Variants in ZNF280D observed in about 807,000 individuals in gnomAD.
ZNF280D encodes the protein zinc finger protein 280D.
Under a neutral mutation model 94.7 loss-of-function variants are expected in ZNF280D, and 39 were observed. The observed-to-expected ratio is 0.41, with a 90% confidence interval of 0.32 to 0.54. The LOEUF (loss-of-function observed/expected upper bound fraction) is 0.54, where lower values mean the gene tolerates loss of function less well. Among genes scored for constraint, ZNF280D ranks in the 20% least tolerant of loss-of-function variants. The pLI is 0.22. For synonymous variants in ZNF280D, 398 were observed against 377.6 expected (o/e 1.05, Z -0.63); for missense variants, 1,090 against 1,149.3 (o/e 0.95, Z 0.75).
At position 56,639,469 on chromosome 15, in the gene ZNF280D, A is replaced by G. The variant is rs375309313; in HGVS notation, c.2259+3483T>C. On this transcript the variant is annotated intron_variant, in intron 20 of 21. Transcript: ENST00000267807. The stretch of plus-strand genomic sequence containing the variant: ...TCCAAAGGTTTGTCAGATGCCTAAT[A>G]CAATGAATGAAAAAAGGATGGGTGA... 3.2e-4 allele frequency among the ~76,000 whole-genome samples: 48 copies of G among 152,254 alleles called. No individual in the cohort carries two copies. In the South Asian group the frequency reaches 8.1e-3, roughly 26 times the overall value.
chr15:56,708,209 C>T (rs2057531245), intron 1 of ZNF280D, among the ~76,000 whole-genome samples: 1 of 152,070 alleles, frequency 6.6e-6, no homozygotes, highest in East Asian at 1.9e-4. Flanking sequence ...AACTGAATTA[C>T]TACAAAGGAA....
chr15:56,682,640 A>G (rs892817917), intron 9 of ZNF280D, among the ~76,000 whole-genome samples, 163 bp from the exon 10 acceptor site: 7 of 152,098 alleles, frequency 4.6e-5, no homozygotes, highest in African/African-American at 7.2e-5. Context: ...GCATGTACAT[A>G]GTCTAAAAAT....
At chr15:56,694,124 A>C (rs1226733895) in intron 6 of ZNF280D, among the ~76,000 whole-genome samples, 1 of 152,152 alleles carries the variant, frequency 6.6e-6, no homozygotes, top group Non-Finnish European at 1.5e-5. Flanking sequence ...GGAAGATCTT[A>C]AGAAGAGAGG....
chr15:56,705,208 A>G (rs188682842), intron 3 of ZNF280D, among the ~76,000 whole-genome samples: 1 of 152,280 alleles, frequency 6.6e-6, no homozygotes, highest in East Asian at 1.9e-4. Flanking sequence ...TTTTCTCTAA[A>G]CTGTACTATT....
At chr15:56,674,546 T>C (rs1403172359) in intron 13 of ZNF280D, among the ~76,000 whole-genome samples, 1 of 152,090 alleles carries the variant, frequency 6.6e-6, no homozygotes. Flanking sequence ...CAGTAAAAGC[T>C]TGGATGCTAA....
At chr15:56,671,396 C>T (rs1025861347) in intron 13 of ZNF280D, among the ~76,000 whole-genome samples, 4 of 151,988 alleles carry the variant, frequency 2.6e-5, no homozygotes, top group Non-Finnish European at 4.4e-5. Context: ...TGCCTATGGC[C>T]AGCCAGTTTC....
At chr15:56,640,091 A>G (rs2052555389) in intron 20 of ZNF280D, among the ~76,000 whole-genome samples, 1 of 152,182 alleles carries the variant, frequency 6.6e-6, no homozygotes. Flanking sequence ...AAAGATACAT[A>G]TTTTTAACTC....
chr15:56,704,062 GTT>G, intron 4 of ZNF280D, 57 bp downstream of exon 4: 1 of 1,589,588 alleles, frequency 6.3e-7, no homozygotes, highest in Non-Finnish European at 8.6e-7. Flanking sequence ...CAGTTCACAA[GTT>G]TTTCTACTAG....
chr15:56,648,742 A>G (rs749736310), intron 19 of ZNF280D, among the ~76,000 whole-genome samples: 2 of 152,174 alleles, frequency 1.3e-5, no homozygotes, highest in Non-Finnish European at 1.5e-5. Context: ...TGTCTGCCAC[A>G]CTGTATGTGC....
chr15:56,670,005 A>AT (rs1442144645), intron 13 of ZNF280D, among the ~76,000 whole-genome samples: 1 of 1,038 alleles, frequency 9.6e-4, no homozygotes, highest in African/African-American at 1.8e-3. Context: ...TATTATATAT[A>AT]TATAATATAT....
In ZNF280D at chr15:56,682,480, G is replaced by GAAA; in HGVS notation, c.781-6_781-4dup. On this transcript the variant is annotated splice_region_variant and splice_polypyrimidine_tract_variant and intron_variant, in intron 9 of 21. Transcript: ENST00000267807. The stretch of plus-strand genomic sequence containing the variant: ...TTTATCATGTCTGGACAACAATACT[G>GAAA]AAAGAGAAAAAAAAAAAAAAAAAAC... 2 of 475,160 alleles carry GAAA rather than the reference G, an allele frequency of 4.2e-6. No individual in the cohort carries two copies. The highest frequency in any genetic ancestry group is 6.2e-6 in the Non-Finnish European group (2 of 322,228). 29.4% of individuals were successfully genotyped at this position (475,160 alleles called of 1,614,324 possible).
chr15:56,653,166 T>C (rs2053310742), intron 19 of ZNF280D: 2 of 1,021,076 alleles, frequency 2.0e-6, no homozygotes, highest in Non-Finnish European at 2.3e-6. Context: ...AAAGTAGCCA[T>C]GGTTTCCTAA....
At chr15:56,654,531 T>G (rs373134106) in intron 17 of ZNF280D, 28 bp from the exon 18 acceptor site, 495 of 1,537,670 alleles carry the variant, frequency 3.2e-4, no homozygotes, top group Non-Finnish European at 4.0e-4. Flanking sequence ...AAAAAAAGAT[T>G]TTTATCTTTT....
intron 17 of ZNF280D, among the ~76,000 whole-genome samples, chr15:56,657,374 C>A (rs2053614909): frequency 6.6e-6 from 1 of 152,034 alleles, no homozygotes; most frequent in Non-Finnish European, 1.5e-5. Flanking sequence ...AGGAAATTTA[C>A]TTCAAAACTA....
rs915805906 is a variant in ZNF280D, at chr15:56,633,789, A to G, written c.2315+1406T>C. On this transcript the variant is annotated intron_variant, in intron 21 of 21. Transcript: ENST00000267807. Reference sequence around the variant, plus strand: ...CAGGCATGAGCCACAGCGCCCAGCCAAAAACCTAGTATGTTATCCAGCAAG... The same window carrying G: ...CAGGCATGAGCCACAGCGCCCAGCCGAAAACCTAGTATGTTATCCAGCAAG... Among the ~76,000 whole-genome samples, 109 of 152,270 alleles carry G rather than the reference A, an allele frequency of 7.2e-4. 1 individual carries two copies. Among genetic ancestry groups the G allele is most frequent in the Non-Finnish European group, 5.6e-4 (38 of 68,006 alleles).
intron 19 of ZNF280D, among the ~76,000 whole-genome samples, chr15:56,649,356 G>A (rs529121547): frequency 1.8e-4 from 27 of 152,168 alleles, no homozygotes; most frequent in Non-Finnish European, 3.4e-4. Flanking sequence ...ATCTCACTGG[G>A]TCTCAAATTC....
intron 13 of ZNF280D, among the ~76,000 whole-genome samples, chr15:56,676,357 A>G (rs2055232914): frequency 6.6e-6 from 1 of 152,100 alleles, no homozygotes; most frequent in Non-Finnish European, 1.5e-5. Context: ...TCATTCTCAT[A>G]TCTACCTTTA....
chr15:56,637,458 G>T (rs2052408685), intron 20 of ZNF280D, among the ~76,000 whole-genome samples: 1 of 152,002 alleles, frequency 6.6e-6, no homozygotes, highest in South Asian at 2.1e-4. Context: ...TGGGATTACA[G>T]GCATGAGCCA....
chr15:56,716,487 C>A, intron 1 of ZNF280D, among the ~76,000 whole-genome samples: 2 of 124,448 alleles, frequency 1.6e-5, no homozygotes, highest in African/African-American at 3.0e-5. Context: ...TGAAAAGCTG[C>A]AAAGAAACCA....
Sources: gnomAD v4.1 joint callset for allele counts (sites outside exome capture counted in the v4.1 genomes callset) on GRCh38, gnomAD v4.1.1 for gene constraint, MANE v1.5 for transcripts, NCBI Gene and HGNC (gene_info 2026-07-23, HGNC 2026-07-21) for gene names.